The following SPECC1L variants were observed in gnomAD, a reference collection of about 807,000 sequenced individuals.
SPECC1L encodes sperm antigen with calponin homology and coiled-coil domains 1 like.
In SPECC1L, 40 loss-of-function variants were observed where a neutral mutation model predicts 116.8. The observed-to-expected ratio is 0.34, with a 90% confidence interval of 0.27 to 0.45. The LOEUF is 0.45. Among genes scored for constraint, SPECC1L ranks in the 20% least tolerant of loss-of-function variants. The pLI, the probability that SPECC1L is intolerant of heterozygous loss-of-function variation, is 1.00. For missense variants in SPECC1L, 1,110 were observed against 1,373.6 expected (o/e 0.81, Z 3.03); for synonymous variants, 504 against 500.6 (o/e 1.01, Z -0.09).
chr22:24,414,410 T>G (rs1239297721), intron 16 of SPECC1L, 124 bp from the exon 17 acceptor site: 1 of 795,938 alleles, frequency 1.3e-6, no homozygotes, highest in African/African-American at 1.7e-5. Context: ...AAATGTGTAA[T>G]TAGGCCTAGA....
Position 24,405,256 on chromosome 22 carries a change from C to T in SPECC1L, c.3088-6332C>T, listed in dbSNP as rs151231307. On this transcript the variant is annotated intron_variant, in intron 14 of 16. Coordinates refer to ENST00000314328, the MANE Select transcript of SPECC1L (RefSeq NM_015330.6). ...TATCTGAGTTCCTCATCCAAACCCC[C>T]TTAGAGAGAAGGGGAGAAGGAGGGA... is the stretch of plus-strand genomic sequence containing the variant. Among the ~76,000 whole-genome samples the T allele has an allele frequency of 1.6e-4, 24 of 152,184 alleles. No homozygotes were observed. In the East Asian group the frequency reaches 4.1e-3, roughly 26 times the overall value.
At chr22:24,295,329 A>G (rs1447251889) in intron 2 of SPECC1L, among the ~76,000 whole-genome samples, 2 of 150,654 alleles carry the variant, frequency 1.3e-5, no homozygotes, top group African/African-American at 4.9e-5. Context: ...AATTTCAATA[A>G]TTGTTTTAAA....
At chr22:24,359,540 A>C (rs1260240171) in intron 11 of SPECC1L, among the ~76,000 whole-genome samples, 1 of 151,942 alleles carries the variant, frequency 6.6e-6, no homozygotes, top group African/African-American at 2.4e-5. Flanking sequence ...TGCTGCATCA[A>C]AGAGCCCTTG....
Position 24,337,110 on chromosome 22 carries a change from A to G in SPECC1L, c.2561-1276A>G, listed in dbSNP as rs146866252. 7.8e-3 allele frequency among the ~76,000 whole-genome samples: 1,186 copies of G among 152,354 alleles called. 9 individuals are homozygous for G. The highest frequency in any genetic ancestry group is 0.024 in the South Asian group (117 of 4,826). ...TCAGGACATAACTCCATCATAAATC[A>G]AGAAGCATCTGTGCTTGTACATAAA... On this transcript the variant is annotated intron_variant, in intron 9 of 16. Transcript: ENST00000314328.
chr22:24,292,202 A>G (rs960906523), intron 2 of SPECC1L, among the ~76,000 whole-genome samples: 3 of 152,202 alleles, frequency 2.0e-5, no homozygotes, highest in Non-Finnish European at 4.4e-5. Flanking sequence ...TCCTCTAATC[A>G]GGGTGGATCC....
intron 11 of SPECC1L, among the ~76,000 whole-genome samples, chr22:24,352,796 G>C (rs1185558547): frequency 6.6e-6 from 1 of 151,988 alleles, no homozygotes; most frequent in East Asian, 1.9e-4. Context: ...TGTGGTTCTT[G>C]ATAAAAATCA....
chr22:24,377,499 C>G (rs2041994062), intron 14 of SPECC1L, among the ~76,000 whole-genome samples: 1 of 152,172 alleles, frequency 6.6e-6, no homozygotes, highest in South Asian at 2.1e-4. Flanking sequence ...TGTCCATCTT[C>G]TAGCCTACTA....
At chr22:24,355,120 A>T (rs533059439) in intron 11 of SPECC1L, among the ~76,000 whole-genome samples, 2 of 151,664 alleles carry the variant, frequency 1.3e-5, no homozygotes, top group Non-Finnish European at 2.9e-5. Flanking sequence ...CTCTACTAAA[A>T]ATACAAAAAT....
chr22:24,405,697 G>A (rs772720346), intron 14 of SPECC1L, among the ~76,000 whole-genome samples: 24 of 151,900 alleles, frequency 1.6e-4, no homozygotes, highest in Non-Finnish European at 3.2e-4. Flanking sequence ...AAAATTAGCC[G>A]GGCATGGTGG....
At chr22:24,324,478 C>G (rs369515461) in intron 6 of SPECC1L, 51 bp downstream of exon 6, 2 of 1,505,612 alleles carry the variant, frequency 1.3e-6, no homozygotes, top group Non-Finnish European at 1.8e-6. Context: ...TTTAAACATG[C>G]GGGGATAATT....
chr22:24,307,302 AGTT>A (rs1569413947), intron 3 of SPECC1L, among the ~76,000 whole-genome samples: 1 of 152,218 alleles, frequency 6.6e-6, no homozygotes, highest in African/African-American at 2.4e-5. Context: ...CCTCTGCAAT[AGTT>A]GTTATTTTGT....
At chr22:24,376,794 G>A (rs1321678389) in intron 14 of SPECC1L, among the ~76,000 whole-genome samples, 1 of 151,752 alleles carries the variant, frequency 6.6e-6, no homozygotes. Flanking sequence ...TCAAGCATAA[G>A]TGAAAATTAC....
At position 24,379,150 on chromosome 22, in the gene SPECC1L, G is replaced by T. The variant is rs73398371; in HGVS notation, c.3087+9830G>T. Among the ~76,000 whole-genome samples the T allele has an allele frequency of 2.9e-3, 440 of 152,012 alleles. 1 individual carries two copies. Among genetic ancestry groups the T allele is most frequent in the African/African-American group, 0.01 (420 of 41,446 alleles). On this transcript the variant is annotated intron_variant, in intron 14 of 16. Transcript: ENST00000314328. The stretch of plus-strand genomic sequence containing the variant: ...ATTATAAATTACTTCCCCCTTGAAG[G>T]ATCGCTTGTGATTAGGAGTTTGAGA...
chr22:24,286,474 T>C (rs2049045578), intron 2 of SPECC1L, among the ~76,000 whole-genome samples: 3 of 152,238 alleles, frequency 2.0e-5, no homozygotes, highest in Non-Finnish European at 4.4e-5. Flanking sequence ...CCTAAGTTGG[T>C]AACAGCAAAA....
At chr22:24,392,863 C>CT (rs1333612103) in intron 14 of SPECC1L, among the ~76,000 whole-genome samples, 1 of 152,236 alleles carries the variant, frequency 6.6e-6, no homozygotes, top group East Asian at 1.9e-4. Context: ...TAGCTGATGG[C>CT]TCCCTCCCTT....
rs541400364 is a variant in SPECC1L at position 24,315,814 on chromosome 22, G to A, written c.307+2348G>A. Among the ~76,000 whole-genome samples, 3 of 152,370 alleles carry A rather than the reference G, an allele frequency of 2.0e-5. No homozygotes were observed. The East Asian group carries it at 5.8e-4, about 29-fold the overall frequency. On this transcript the variant is annotated intron_variant, in intron 4 of 16. Transcript: ENST00000314328. ...AATCTGGAAGCCAGAAGTCTGAAAT[G>A]AGGGTGTTAGCAGATTTACTTTCTC... is the stretch of plus-strand genomic sequence containing the variant.
At chr22:24,323,164 G>A in intron 5 of SPECC1L, 1 of 946,368 alleles carries the variant, frequency 1.1e-6, no homozygotes, top group Non-Finnish European at 1.3e-6. Context: ...GATATGGCTG[G>A]TATTACAGCT....
intron 10 of SPECC1L, among the ~76,000 whole-genome samples, chr22:24,343,000 C>G (rs1027868346): frequency 1.3e-5 from 2 of 152,098 alleles, no homozygotes; most frequent in Non-Finnish European, 2.9e-5. Flanking sequence ...TGAAACCAGC[C>G]TGGACAACAT....
At position 24,415,664 on chromosome 22, in the gene SPECC1L, C is replaced by T. The variant is rs2042788393; in HGVS notation, c.*1041C>T. The T allele has an allele frequency of 6.6e-6, 1 of 152,464 alleles. No individual in the cohort carries two copies. Among genetic ancestry groups the T allele is most frequent in the Admixed American group, 6.5e-5 (1 of 15,276 alleles). The allele number at this position is 152,464 out of a possible 1,614,324, so 9.4% of individuals were successfully genotyped here. ...CCTAGGCCAGAGTTAAAGAAAGTGC[C>T]TTAACTCTTCTTGTGAGGGCAGCCA... On this transcript the variant is annotated 3_prime_UTR_variant, in exon 17 of 17. Transcript: ENST00000314328.
Sources: gnomAD v4.1 joint callset for allele counts (sites outside exome capture counted in the v4.1 genomes callset) on GRCh38, gnomAD v4.1.1 for gene constraint, MANE v1.5 for transcripts, NCBI Gene and HGNC (gene_info 2026-07-23, HGNC 2026-07-21) for gene names.